ZBTB16: variants seen among roughly 807,000 people sequenced by gnomAD.
ZBTB16 encodes the protein zinc finger and BTB domain containing 16, also known as zinc finger and BTB domain-containing protein 16.
In ZBTB16, 8 loss-of-function variants were observed where a neutral mutation model predicts 56.8. The observed-to-expected ratio is 0.14, with a 90% confidence interval of 0.08 to 0.25. The LOEUF is 0.25. ZBTB16 is among the 10% of genes least tolerant of loss of function. The pLI is 1.00. For missense variants in ZBTB16, 625 were observed against 903.0 expected (o/e 0.69, Z 3.95); for synonymous variants, 363 against 368.5 (o/e 0.98, Z 0.17).
intron 4 of ZBTB16, among the ~76,000 whole-genome samples, chr11:114,194,095 C>A (rs951361959): frequency 2.6e-5 from 4 of 152,156 alleles, no homozygotes; most frequent in Non-Finnish European, 4.4e-5. Flanking sequence ...TCTTTTGGAA[C>A]CCTGTGCTCC....
At chr11:114,069,400 G>A (rs774285300) in intron 2 of ZBTB16, among the ~76,000 whole-genome samples, 2 of 152,170 alleles carry the variant, frequency 1.3e-5, no homozygotes, top group Non-Finnish European at 2.9e-5. Flanking sequence ...CCTGGTTCTT[G>A]AAGGGATTCT....
chr11:114,232,917 C>T lies in ZBTB16; in HGVS notation c.1454-9250C>T, dbSNP rs563340797. 5.9e-5 allele frequency among the ~76,000 whole-genome samples: 9 copies of T among 152,210 alleles called. No individual in the cohort carries two copies. The South Asian group carries it at 1.7e-3, about 28-fold the overall frequency. Reference sequence around the variant, plus strand: ...CTCCAGGCTTCTCTGCCACAGCTGGCGGAGGTGCTTAAGGCCTTGGACCCC... The same window carrying T: ...CTCCAGGCTTCTCTGCCACAGCTGGTGGAGGTGCTTAAGGCCTTGGACCCC... On this transcript the variant is annotated intron_variant, in intron 4 of 6. Transcript: ENST00000335953.
chr11:114,116,245 G>T (rs1386096406), intron 2 of ZBTB16, among the ~76,000 whole-genome samples: 1 of 152,210 alleles, frequency 6.6e-6, no homozygotes, highest in Non-Finnish European at 1.5e-5. Flanking sequence ...CAGTCTTCCT[G>T]TAGTTACTGA....
At chr11:114,158,112 C>A (rs1158319740) in intron 3 of ZBTB16, among the ~76,000 whole-genome samples, 1 of 152,092 alleles carries the variant, frequency 6.6e-6, no homozygotes, top group Non-Finnish European at 1.5e-5. Flanking sequence ...ATCTGCCTAC[C>A]AGGTTGGCTA....
chr11:114,234,339 A>G (rs921127946), intron 4 of ZBTB16, among the ~76,000 whole-genome samples: 1 of 152,178 alleles, frequency 6.6e-6, no homozygotes, highest in Non-Finnish European at 1.5e-5. Flanking sequence ...GGAGACAAAC[A>G]CCCATGCATG....
chr11:114,126,145 C>T (rs1013664526), intron 2 of ZBTB16, among the ~76,000 whole-genome samples: 3 of 152,182 alleles, frequency 2.0e-5, no homozygotes, highest in African/African-American at 7.2e-5. Context: ...ATCTTTCTGG[C>T]ACTGAGACTT....
intron 3 of ZBTB16, among the ~76,000 whole-genome samples, chr11:114,171,079 A>G (rs1942953663): frequency 6.6e-6 from 1 of 152,190 alleles, no homozygotes; most frequent in African/African-American, 2.4e-5. Context: ...GCTCTGGAGT[A>G]TAGGCTCGAG....
intron 2 of ZBTB16, among the ~76,000 whole-genome samples, chr11:114,084,334 G>T (rs1173747598): frequency 1.3e-5 from 2 of 152,134 alleles, no homozygotes; most frequent in Non-Finnish European, 2.9e-5. Flanking sequence ...TGATTTAAAA[G>T]ATTTGGAGGC....
At chr11:114,090,257 T>C (rs928519538) in intron 2 of ZBTB16, among the ~76,000 whole-genome samples, 3 of 152,216 alleles carry the variant, frequency 2.0e-5, no homozygotes, top group Admixed American at 2.0e-4. Flanking sequence ...GTGCATTTTC[T>C]GTGGGGTGAG....
chr11:114,170,626 A>G (rs919380646), intron 3 of ZBTB16, among the ~76,000 whole-genome samples: 19 of 129,768 alleles, frequency 1.5e-4, no homozygotes, highest in African/African-American at 4.4e-4. Flanking sequence ...GGACAAGGGG[A>G]AAAAAAAAAA....
At chr11:114,199,462 G>T (rs960617507) in intron 4 of ZBTB16, among the ~76,000 whole-genome samples, 1 of 152,256 alleles carries the variant, frequency 6.6e-6, no homozygotes, top group Admixed American at 6.5e-5. Flanking sequence ...CTGGGCAGTG[G>T]GCAGGACACA....
At chr11:114,152,483 C>A (rs1203081196) in intron 2 of ZBTB16, among the ~76,000 whole-genome samples, 6 of 152,160 alleles carry the variant, frequency 3.9e-5, no homozygotes, top group African/African-American at 1.4e-4. Flanking sequence ...ACAATAGAAA[C>A]TGGTTAGAGG....
intron 4 of ZBTB16, among the ~76,000 whole-genome samples, chr11:114,207,590 A>AACACACACACACACACACACAC (rs66489516): frequency 3.7e-4 from 53 of 143,620 alleles, no homozygotes; most frequent in Non-Finnish European, 7.0e-4. Context: ...ACACACACAC[A>AACACACACACACACACACACAC]ACACACACAC....
At chr11:114,085,514 GTGTA>G (rs1463555138) in intron 2 of ZBTB16, among the ~76,000 whole-genome samples, 1 of 141,836 alleles carries the variant, frequency 7.1e-6, no homozygotes, top group African/African-American at 2.5e-5. Context: ...GTGTGTGTGT[GTGTA>G]TATATATATA....
intron 2 of ZBTB16, among the ~76,000 whole-genome samples, chr11:114,068,027 A>G (rs1939186119): frequency 8.3e-6 from 1 of 120,204 alleles, no homozygotes; most frequent in Non-Finnish European, 1.7e-5. Flanking sequence ...AAAAAACAAC[A>G]GCCCTATAAC....
At chr11:114,167,034 C>T (rs936013320) in intron 3 of ZBTB16, among the ~76,000 whole-genome samples, 2 of 152,068 alleles carry the variant, frequency 1.3e-5, no homozygotes, top group Non-Finnish European at 2.9e-5. Flanking sequence ...ATAACAGCAG[C>T]AGCATTCTGT....
intron 3 of ZBTB16, among the ~76,000 whole-genome samples, chr11:114,157,109 T>C (rs1004870725): frequency 6.6e-6 from 1 of 152,078 alleles, no homozygotes; most frequent in Non-Finnish European, 1.5e-5. Flanking sequence ...TCCCTTTAAT[T>C]CCCTTGCCTT....
In ZBTB16 at chr11:114,242,267, C is replaced by T. The variant is rs531517281; in HGVS notation, c.1554C>T (p.Tyr518=). The T allele has an allele frequency of 6.8e-6, 11 of 1,614,138 alleles. No homozygotes were observed. Among genetic ancestry groups the T allele is most frequent in the Admixed American group, 6.7e-5 (4 of 60,036 alleles). ...AGGTCCACGCGGGCGTGCGCAGCTA[C>T]ATCTGCAGTGAGTGCAACCGCACCT... The part of the protein sequence containing the change: ...HMEVHAGVRS[Y]ICSECNRTFP... The change falls in exon 5 of 7, where the codon TAC becomes TAT. Residue 518 remains tyrosine (Y), a synonymous_variant. Transcript: ENST00000335953.
chr11:114,162,617 C>T (rs1565660028), intron 3 of ZBTB16, among the ~76,000 whole-genome samples: 1 of 152,214 alleles, frequency 6.6e-6, no homozygotes, highest in Admixed American at 6.5e-5. Context: ...ACCAGCTATC[C>T]CTTCTGGTTA....
Sources: allele counts gnomAD v4.1 joint callset (sites outside exome capture counted in the v4.1 genomes callset), GRCh38; gene constraint gnomAD v4.1.1; transcripts MANE v1.5; gene names NCBI Gene and HGNC (gene_info 2026-07-23, HGNC 2026-07-21).